Variants in NINL observed in about 807,000 individuals in gnomAD.
NINL encodes the protein ninein like, also known as ninein-like protein.
NINL carries 153 observed loss-of-function variants against 160.3 expected under a neutral mutation model. The ratio of observed to expected loss-of-function variants is 0.95; its 90% CI spans 0.84 to 1.09. NINL has a LOEUF of 1.09. NINL is among the 50% of genes least tolerant of loss of function. The pLI is 0.00. For missense variants in NINL, 1,829 were observed against 1,764.0 expected (o/e 1.04, Z -0.66); for synonymous variants, 800 against 734.8 (o/e 1.09, Z -1.43).
At chr20:25,539,963 C>T in intron 1 of NINL, 1 of 1,183,182 alleles carries the variant, frequency 8.5e-7, no homozygotes, top group Non-Finnish European at 1.1e-6. Context: ...CAGGCCTGCG[C>T]AGGCGCCTCA....
intron 5 of NINL, 65 bp downstream of exon 5, chr20:25,510,609 G>A (rs376150317): frequency 1.3e-4 from 186 of 1,416,954 alleles, no homozygotes; most frequent in African/African-American, 6.9e-4. Context: ...CCAATGACCC[G>A]GCTGTTCAGC....
chr20:25,521,337 T>A (rs2064259264), intron 2 of NINL, among the ~76,000 whole-genome samples: 1 of 152,266 alleles, frequency 6.6e-6, no homozygotes, highest in South Asian at 2.1e-4. Context: ...AGATATTTTT[T>A]AAGCTCTAAA....
At chr20:25,522,890 A>C (rs995673826) in intron 2 of NINL, among the ~76,000 whole-genome samples, 39 of 152,196 alleles carry the variant, frequency 2.6e-4, no homozygotes, top group Non-Finnish European at 3.5e-4. Context: ...CTCATTCATC[A>C]CAAAGTAAAG....
chr20:25,453,710 CT>C, intron 23 of NINL, 68 bp from the exon 24 acceptor site: 2 of 1,417,824 alleles, frequency 1.4e-6, no homozygotes, highest in Non-Finnish European at 1.9e-6. Context: ...AGCCTGCTCT[CT>C]TTTATCCTCC....
chr20:25,504,013 G>T lies in NINL; in HGVS notation c.800C>A (p.Pro267His). The change falls in exon 7 of 24, where the codon CCC becomes CAC. Residue 267 changes from proline to histidine, a missense_variant. Physicochemically the swap from Pro to His is moderately conservative, Grantham distance 77. Transcript: ENST00000278886. ...AGTGGAAGACTCTAGAAGTAGCGCG[G>T]GCTCATGACTGAAGAGGCCAAGCTG... ...EFQLGLFSHE[P>H]ALLLESSTRV... 6.2e-7 allele frequency: 1 copy of T among 1,613,854 alleles called. No homozygotes were observed. Among genetic ancestry groups the T allele is most frequent in the Non-Finnish European group, 8.5e-7 (1 of 1,179,928 alleles).
At chr20:25,522,845 T>C (rs912637614) in intron 2 of NINL, among the ~76,000 whole-genome samples, 2 of 152,234 alleles carry the variant, frequency 1.3e-5, no homozygotes, top group African/African-American at 4.8e-5. Context: ...ATTTTACCAA[T>C]AAGATACACC....
chr20:25,542,689 G>C (rs541205126), intron 1 of NINL, among the ~76,000 whole-genome samples: 1 of 96,922 alleles, frequency 1.0e-5, no homozygotes, highest in Admixed American at 1.7e-4. Context: ...TAATAAACTT[G>C]CTTTCACTAA....
chr20:25,517,052 A>G (rs7361245), intron 3 of NINL, among the ~76,000 whole-genome samples: 1 of 152,114 alleles, frequency 6.6e-6, no homozygotes, highest in East Asian at 1.9e-4. Context: ...GTAAACGTAC[A>G]CAAAGCTCAA....
intron 10 of NINL, among the ~76,000 whole-genome samples, chr20:25,496,289 G>C (rs891048577): frequency 4.6e-5 from 7 of 152,210 alleles, no homozygotes; most frequent in African/African-American, 1.7e-4. Context: ...CCTTCTACCT[G>C]CTGGGCCAAA....
intron 19 of NINL, among the ~76,000 whole-genome samples, chr20:25,467,021 G>C (rs932092330): frequency 6.6e-6 from 1 of 152,162 alleles, no homozygotes; most frequent in African/African-American, 2.4e-5. Flanking sequence ...GCTGGGCCTC[G>C]GGCCAGTGCA....
At chr20:25,469,182 T>C (rs367666) in intron 18 of NINL, among the ~76,000 whole-genome samples, 34,797 of 72,040 alleles carry the variant, frequency 0.48, 8,713 homozygotes, top group East Asian at 0.94. Context: ...CTGGTGAGTG[T>C]CCCCTTGCCC....
At chr20:25,559,132 G>A (rs2064903318) in intron 1 of NINL, among the ~76,000 whole-genome samples, 1 of 152,196 alleles carries the variant, frequency 6.6e-6, no homozygotes, top group South Asian at 2.1e-4. Flanking sequence ...TAAAAATAGG[G>A]CCACGTAAGG....
intron 1 of NINL, among the ~76,000 whole-genome samples, chr20:25,542,697 TAAAAAAAAAAAAAAAAAAAAAAAAAA>T (rs71185304): frequency 1.4e-4 from 7 of 51,402 alleles, no homozygotes; most frequent in Admixed American, 7.2e-4. Context: ...TTGCTTTCAC[TAAAAAAAAAAAAAAAAAAAAAAAAAA>T]AAAAAAAAAA....
intron 17 of NINL, among the ~76,000 whole-genome samples, chr20:25,471,795 T>C (rs2063101099): frequency 1.3e-5 from 2 of 152,200 alleles, no homozygotes; most frequent in African/African-American, 4.8e-5. Context: ...ACCTTCTCAC[T>C]TCTCTGCAAA....
At chr20:25,500,057 C>T (rs2063837759) in intron 8 of NINL, among the ~76,000 whole-genome samples, 1 of 151,986 alleles carries the variant, frequency 6.6e-6, no homozygotes, top group Non-Finnish European at 1.5e-5. Context: ...GTCGCCCCCT[C>T]CAGGGAATAG....
At chr20:25,497,540 G>A (rs2146752694) in intron 9 of NINL, among the ~76,000 whole-genome samples, 1 of 152,364 alleles carries the variant, frequency 6.6e-6, no homozygotes, top group South Asian at 2.1e-4. Context: ...AATCTTTTCT[G>A]CAGCTTCAGA....
intron 1 of NINL, among the ~76,000 whole-genome samples, chr20:25,556,455 C>G (rs2064867499): frequency 6.6e-6 from 1 of 151,934 alleles, no homozygotes; most frequent in Non-Finnish European, 1.5e-5. Flanking sequence ...GAAACCCTGT[C>G]TCTAAAGAAA....
chr20:25,502,255 T>G (rs1227588547), intron 7 of NINL, among the ~76,000 whole-genome samples: 1 of 152,170 alleles, frequency 6.6e-6, no homozygotes, highest in Admixed American at 6.5e-5. Flanking sequence ...GTGCTGGTAT[T>G]ACAGACGTGA....
intron 1 of NINL, among the ~76,000 whole-genome samples, chr20:25,569,813 A>T (rs2065034533): frequency 1.3e-5 from 2 of 152,148 alleles, no homozygotes; most frequent in South Asian, 4.1e-4. Context: ...CCTTGTCACT[A>T]TGGAAATGTC....
Sources: allele counts gnomAD v4.1 joint callset (sites outside exome capture counted in the v4.1 genomes callset), GRCh38; gene constraint gnomAD v4.1.1; transcripts MANE v1.5; gene names NCBI Gene and HGNC (gene_info 2026-07-23, HGNC 2026-07-21).